Variants in SH3RF3 observed in about 807,000 individuals in gnomAD.
SH3RF3 encodes the protein SH3 domain containing ring finger 3.
In SH3RF3, 29 loss-of-function variants were observed where a neutral mutation model predicts 66.3. The observed-to-expected ratio is 0.44, with a 90% confidence interval of 0.33 to 0.60. The LOEUF (loss-of-function observed/expected upper bound fraction) is 0.60. Ranked by LOEUF, SH3RF3 falls within the 20% of genes least tolerant of loss-of-function variation. The probability of loss-of-function intolerance (pLI) is 0.04; values close to 1 mark genes in which losing one functional copy is unlikely to be tolerated. For missense variants in SH3RF3, 1,194 were observed against 1,190.9 expected (o/e 1.00, Z -0.04); for synonymous variants, 583 against 532.0 (o/e 1.10, Z -1.32).
intron 3 of SH3RF3, among the ~76,000 whole-genome samples, chr2:109,394,126 T>G (rs1294715564): frequency 6.6e-6 from 1 of 152,198 alleles, no homozygotes; most frequent in Non-Finnish European, 1.5e-5. Flanking sequence ...TAGAACTGTT[T>G]AAAGGATGGA....
chr2:109,166,344 G>A (rs1025411812), intron 1 of SH3RF3, among the ~76,000 whole-genome samples: 2 of 151,972 alleles, frequency 1.3e-5, no homozygotes, highest in African/African-American at 4.8e-5. Context: ...GAGTGTGGTG[G>A]TGTGTGCCTG....
At chr2:109,306,817 C>G (rs1481106723) in intron 1 of SH3RF3, among the ~76,000 whole-genome samples, 1 of 152,138 alleles carries the variant, frequency 6.6e-6, no homozygotes, top group East Asian at 1.9e-4. Context: ...TTACGTATTT[C>G]CTAGGTTGCT....
intron 1 of SH3RF3, among the ~76,000 whole-genome samples, chr2:109,316,558 T>C (rs1161090773): frequency 6.6e-6 from 1 of 152,228 alleles, no homozygotes; most frequent in East Asian, 1.9e-4. Context: ...CTTTCTGTTT[T>C]AGAGCAGTTT....
In SH3RF3 at chr2:109,398,592, C is replaced by G. The variant is rs11885439; in HGVS notation, c.948C>G (p.Leu316=). ...IGIFPLLYVE[L]NDSAKQLIEM... is the part of the protein sequence containing the mutation. Reference sequence around the variant, plus strand: ...CCCCTCTCCCCTTTCTCACTCAGCTCAATGACTCCGCCAAGCAGCTCATTG... The same window carrying G: ...CCCCTCTCCCCTTTCTCACTCAGCTGAATGACTCCGCCAAGCAGCTCATTG... The change falls in exon 4 of 10, where the codon CTC becomes CTG. Residue 316 remains leucine, a splice_region_variant and synonymous_variant. Transcript: ENST00000309415. The G allele has an allele frequency of 4.1e-5, 64 of 1,558,138 alleles. No homozygotes were observed. The African/African-American group carries it at 8.0e-4, about 20-fold the overall frequency.
intron 9 of SH3RF3, among the ~76,000 whole-genome samples, chr2:109,492,056 G>A (rs1679143050): frequency 6.6e-6 from 1 of 152,114 alleles, no homozygotes; most frequent in African/African-American, 2.4e-5. Flanking sequence ...TGCAGATGTT[G>A]CAGTCCTGCT....
chr2:109,342,530 T>C (rs1682577929), intron 1 of SH3RF3, among the ~76,000 whole-genome samples: 1 of 152,196 alleles, frequency 6.6e-6, no homozygotes, highest in Admixed American at 6.5e-5. Context: ...GATTGCATCC[T>C]TAGGGTCTTA....
intron 1 of SH3RF3, among the ~76,000 whole-genome samples, chr2:109,244,855 A>T (rs1365696006): frequency 6.6e-6 from 1 of 152,108 alleles, no homozygotes; most frequent in East Asian, 1.9e-4. Context: ...CACCTTTCCC[A>T]CTGCAGCCTG....
chr2:109,318,002 G>A (rs530220876), intron 1 of SH3RF3, among the ~76,000 whole-genome samples: 2 of 151,908 alleles, frequency 1.3e-5, no homozygotes, highest in Admixed American at 6.5e-5. Context: ...GCATCTGAAC[G>A]GAAGGCCAGG....
At chr2:109,250,341 C>T (rs561131317) in intron 1 of SH3RF3, among the ~76,000 whole-genome samples, 11 of 152,100 alleles carry the variant, frequency 7.2e-5, no homozygotes, top group Non-Finnish European at 1.5e-4. Flanking sequence ...CATGCACAAG[C>T]TAACAGTCTC....
At chr2:109,452,649 A>G (rs1410401959) in intron 8 of SH3RF3, among the ~76,000 whole-genome samples, 2 of 152,186 alleles carry the variant, frequency 1.3e-5, no homozygotes, top group African/African-American at 4.8e-5. Context: ...GAGAAGGAAG[A>G]AGCCCCAAAA....
At chr2:109,284,412 C>A (rs551953792) in intron 1 of SH3RF3, among the ~76,000 whole-genome samples, 13 of 152,200 alleles carry the variant, frequency 8.5e-5, no homozygotes, top group Non-Finnish European at 1.5e-4. Context: ...GGGGCAGGAC[C>A]TTATTCCCAA....
Position 109,217,513 on chromosome 2 carries a change from G to T in SH3RF3, c.573+87400G>T, listed in dbSNP as rs546570920. On this transcript the variant is annotated intron_variant, in intron 1 of 9. Transcript: ENST00000309415. ...CTTAGTAATAGGAAGAAGTCATCCC[G>T]GGCTTCCCCAGACTTCAAGTATCTT... Among the ~76,000 whole-genome samples the T allele has an allele frequency of 2.2e-4, 33 of 152,266 alleles. 1 individual carries two copies. The highest frequency in any genetic ancestry group is 7.2e-4 in the African/African-American group (30 of 41,546).
chr2:109,456,892 G>T lies in SH3RF3; in HGVS notation c.2148+7403G>T, dbSNP rs1167445768. Among the ~76,000 whole-genome samples, 157 of 152,230 alleles carry T rather than the reference G, an allele frequency of 1.0e-3. 1 individual carries two copies. The highest frequency in any genetic ancestry group is 1.0e-4 in the Non-Finnish European group (7 of 68,044). The stretch of plus-strand genomic sequence containing the variant: ...GGGAGAATAGCCTAGGGCTCATGCC[G>T]CTGAGCCTTCAGAAAGTGGCAGGGA... On this transcript the variant is annotated intron_variant, in intron 8 of 9. Transcript: ENST00000309415.
chr2:109,170,573 T>G (rs1339477757), intron 1 of SH3RF3, among the ~76,000 whole-genome samples: 2 of 152,134 alleles, frequency 1.3e-5, no homozygotes, highest in African/African-American at 4.8e-5. Context: ...CTCGATCTCC[T>G]GACCTCAACC....
chr2:109,246,706 G>A (rs1679926389), intron 1 of SH3RF3, among the ~76,000 whole-genome samples: 1 of 152,224 alleles, frequency 6.6e-6, no homozygotes, highest in Non-Finnish European at 1.5e-5. Flanking sequence ...TCCTAAGGCT[G>A]GATGTCTCTG....
intron 1 of SH3RF3, among the ~76,000 whole-genome samples, chr2:109,217,279 A>G (rs1278676622): frequency 6.6e-6 from 1 of 152,142 alleles, no homozygotes; most frequent in African/African-American, 2.4e-5. Context: ...ATCTTTTATT[A>G]TGGTTTTTCA....
intron 1 of SH3RF3, among the ~76,000 whole-genome samples, chr2:109,294,560 C>CAA: frequency 9.9e-6 from 1 of 100,750 alleles, no homozygotes; most frequent in East Asian, 2.8e-4. Flanking sequence ...GACTCAGTCT[C>CAA]AAAAAAAAAA....
At chr2:109,379,697 G>A (rs963717874) in intron 3 of SH3RF3, among the ~76,000 whole-genome samples, 2 of 152,192 alleles carry the variant, frequency 1.3e-5, no homozygotes, top group African/African-American at 4.8e-5. Context: ...CCCAGCCTTA[G>A]TGTGGATGCC....
At chr2:109,134,959 T>G (rs1676784213) in intron 1 of SH3RF3, among the ~76,000 whole-genome samples, 1 of 152,220 alleles carries the variant, frequency 6.6e-6, no homozygotes, top group South Asian at 2.1e-4. Flanking sequence ...GACATTAGTC[T>G]GAGTGGCCTA....
Sources: allele counts gnomAD v4.1 joint callset (sites outside exome capture counted in the v4.1 genomes callset), GRCh38; gene constraint gnomAD v4.1.1; transcripts MANE v1.5; gene names NCBI Gene and HGNC (gene_info 2026-07-23, HGNC 2026-07-21).